The following MTMR6 variants were observed in gnomAD, a reference collection of about 807,000 sequenced individuals.
MTMR6 encodes the protein myotubularin related protein 6.
A neutral mutation model predicts 80.1 loss-of-function variants in MTMR6; 47 were observed. That is an observed-to-expected ratio of 0.59 (90% CI 0.46 to 0.75). The LOEUF is 0.75. MTMR6 is among the 30% of genes least tolerant of loss of function. The pLI, the probability that MTMR6 is intolerant of heterozygous loss-of-function variation, is 0.00. For synonymous variants in MTMR6, 254 were observed against 253.0 expected, an observed-to-expected ratio of 1.00 and a Z score of -0.04; for missense variants, 629 against 730.9, an observed-to-expected ratio of 0.86 and a Z score of 1.61.
At chr13:25,253,068 T>C (rs994474686) in intron 11 of MTMR6, among the ~76,000 whole-genome samples, 2 of 152,024 alleles carry the variant, frequency 1.3e-5, no homozygotes, top group African/African-American at 2.4e-5. Context: ...ACAATATACA[T>C]AGGACCTCTA....
intron 7 of MTMR6, 26 bp from the exon 8 acceptor site, chr13:25,257,871 A>C: frequency 6.7e-7 from 1 of 1,501,628 alleles, no homozygotes; most frequent in Admixed American, 1.7e-5. Flanking sequence ...AAATATTTCA[A>C]TTAGAATATG....
intron 13 of MTMR6, 149 bp from the exon 14 acceptor site, chr13:25,249,641 G>T: frequency 1.3e-6 from 1 of 792,276 alleles, no homozygotes; most frequent in Non-Finnish European, 1.9e-6. Context: ...TAATGCATAT[G>T]ACATGGTTGA....
At chr13:25,286,112 A>T (rs1278062918) in intron 1 of MTMR6, among the ~76,000 whole-genome samples, 1 of 152,140 alleles carries the variant, frequency 6.6e-6, no homozygotes, top group Non-Finnish European at 1.5e-5. Context: ...CTTAAAAAAA[A>T]ATGTTAAGGG....
At chr13:25,264,816 T>C (rs978429064) in intron 5 of MTMR6, among the ~76,000 whole-genome samples, 2 of 148,088 alleles carry the variant, frequency 1.4e-5, no homozygotes, top group Admixed American at 7.0e-5. Context: ...TTCTAAAAGT[T>C]CTCAGAGAAA....
chr13:25,263,028 C>T (rs542070561), intron 5 of MTMR6, among the ~76,000 whole-genome samples: 1 of 152,312 alleles, frequency 6.6e-6, no homozygotes, highest in South Asian at 2.1e-4. Context: ...TTTGCCTCTG[C>T]TCCTTCCCAA....
chr13:25,275,440 AC>A (rs1162768217), intron 1 of MTMR6, among the ~76,000 whole-genome samples: 10 of 152,004 alleles, frequency 6.6e-5, no homozygotes, highest in Non-Finnish European at 1.2e-4. Context: ...AAACAAACAA[AC>A]AAACAAAAGT....
At chr13:25,264,542 G>A (rs941765928) in intron 5 of MTMR6, among the ~76,000 whole-genome samples, 5 of 151,754 alleles carry the variant, frequency 3.3e-5, no homozygotes, top group Non-Finnish European at 7.4e-5. Context: ...ATCACTTGAC[G>A]TCAGGAGTTC....
In MTMR6 at chr13:25,249,371, A is replaced by G; in HGVS notation, c.1727T>C (p.Leu576Pro). The change falls in exon 14 of 14, where the codon CTA becomes CCA. Residue 576 changes from leucine (L) to proline (P), a missense_variant. Coordinates refer to ENST00000381801, the MANE Select transcript of MTMR6 (RefSeq NM_004685.5). The part of the protein sequence containing the change: ...TSLCFKEQTL[L>P]PVNDALRTIE... ...AGTTCGAAGAGCATCATTTACGGGT[A>G]GCAGAGTCTGCTCTTTAAAACACAG... 6.2e-7 allele frequency: 1 copy of G among 1,614,170 alleles called. No homozygotes were observed. The highest frequency in any genetic ancestry group is 1.1e-5 in the South Asian group (1 of 91,082).
At chr13:25,277,282 G>A (rs995774557) in intron 1 of MTMR6, among the ~76,000 whole-genome samples, 2 of 152,010 alleles carry the variant, frequency 1.3e-5, no homozygotes, top group African/African-American at 4.8e-5. Context: ...TTTTAAATCT[G>A]CCCCTTTCAC....
At chr13:25,273,961 T>G in intron 2 of MTMR6, 110 bp downstream of exon 2, 75 of 748,232 alleles carry the variant, frequency 1.0e-4, no homozygotes, top group Non-Finnish European at 1.4e-4. Context: ...ATATTTTGGT[T>G]GAGATAGGTA....
In MTMR6 at chr13:25,248,951, CAT is replaced by C; in HGVS notation, c.*279_*280del. 3.3e-6 allele frequency: 1 copy of C among 299,808 alleles called. No homozygotes were observed. The highest frequency in any genetic ancestry group is 6.1e-6 in the Non-Finnish European group (1 of 163,106). 18.6% of individuals were successfully genotyped at this position (299,808 alleles called of 1,614,324 possible). A position where few individuals can be genotyped will look rare whatever the true frequency, so the allele number is the denominator to read the frequency against. On this transcript the variant is annotated 3_prime_UTR_variant, in exon 14 of 14. Transcript: ENST00000381801. The stretch of plus-strand genomic sequence containing the variant: ...TATGTTTGGCTGAATTAACATAAAT[CAT>C]AAACGTCAATTCACTAGTGTACAGT...
intron 2 of MTMR6, 124 bp downstream of exon 2, chr13:25,273,947 A>G (rs1957642848): frequency 3.0e-6 from 2 of 670,462 alleles, no homozygotes; most frequent in African/African-American, 1.8e-5. Context: ...CTGGAGACCA[A>G]AAAATATTTT....
chr13:25,285,399 C>G (rs1345349108), intron 1 of MTMR6, among the ~76,000 whole-genome samples: 5 of 138,582 alleles, frequency 3.6e-5, no homozygotes, highest in Non-Finnish European at 6.2e-5. Context: ...GCCCCCCCCC[C>G]CCCAATTATG....
intron 5 of MTMR6, among the ~76,000 whole-genome samples, chr13:25,264,924 T>G (rs1004065343): frequency 6.6e-6 from 1 of 152,054 alleles, no homozygotes; most frequent in South Asian, 2.1e-4. Flanking sequence ...TCTTTGAATG[T>G]CAGTTTCCCC....
Position 25,287,205 on chromosome 13 carries a change from C to T in MTMR6, c.24+19G>A, listed in dbSNP as rs368685891. 8.8e-6 allele frequency: 14 copies of T among 1,592,678 alleles called. No homozygotes were observed. Among genetic ancestry groups the T allele is most frequent in the Non-Finnish European group, 1.1e-5 (13 of 1,173,030 alleles). On this transcript the variant is annotated intron_variant, in intron 1 of 13. Coordinates refer to ENST00000381801, the MANE Select transcript of MTMR6 (RefSeq NM_004685.5). ...TCAGAGCAGGGCCCCTGAAGACTGG[C>T]GATCCCGCGCCCGACTACCTTGGTC...
chr13:25,260,302 G>A (rs1957305092), intron 6 of MTMR6, among the ~76,000 whole-genome samples: 1 of 151,782 alleles, frequency 6.6e-6, no homozygotes, highest in Non-Finnish European at 1.5e-5. Flanking sequence ...CCGAGTAGCT[G>A]GGATTACAGG....
chr13:25,264,338 C>T (rs1340754492), intron 5 of MTMR6, among the ~76,000 whole-genome samples: 1 of 151,540 alleles, frequency 6.6e-6, no homozygotes. Context: ...CAATTGTCAA[C>T]TAATAAATAA....
chr13:25,264,056 A>T (rs1051021336), intron 5 of MTMR6, among the ~76,000 whole-genome samples: 5 of 152,174 alleles, frequency 3.3e-5, no homozygotes, highest in African/African-American at 1.2e-4. Flanking sequence ...ACTCTGAGCA[A>T]AACAATAACT....
chr13:25,252,580 T>C (rs1957115021), intron 11 of MTMR6, among the ~76,000 whole-genome samples: 1 of 152,108 alleles, frequency 6.6e-6, no homozygotes, highest in African/African-American at 2.4e-5. Context: ...AAGTGGAAAA[T>C]CTCCTGATTT....
Sources: gnomAD v4.1 joint callset for allele counts (sites outside exome capture counted in the v4.1 genomes callset) on GRCh38, gnomAD v4.1.1 for gene constraint, MANE v1.5 for transcripts, NCBI Gene and HGNC (gene_info 2026-07-23, HGNC 2026-07-21) for gene names.